NCAM2: variants seen among roughly 807,000 people sequenced by gnomAD.
NCAM2 encodes neural cell adhesion molecule 2, also known as N-CAM-2.
In NCAM2, 30 loss-of-function variants were observed where a neutral mutation model predicts 98.1. That is an observed-to-expected ratio of 0.31 (90% CI 0.23 to 0.41). The LOEUF is 0.41. Ranked by LOEUF, NCAM2 falls within the 10% of genes least tolerant of loss-of-function variation. NCAM2 has a pLI of 1.00. For missense variants in NCAM2, 867 were observed against 1,005.8 expected, an observed-to-expected ratio of 0.86 and a Z score of 1.87; for synonymous variants, 368 against 342.4, an observed-to-expected ratio of 1.07 and a Z score of -0.83.
intron 9 of NCAM2, among the ~76,000 whole-genome samples, chr21:21,391,910 A>G (rs544673376): frequency 6.6e-6 from 1 of 152,008 alleles, no homozygotes; most frequent in African/African-American, 2.4e-5. Flanking sequence ...ATTATCAATG[A>G]GTTCAGTCTA....
At chr21:21,262,872 G>T (rs2071972953) in intron 1 of NCAM2, among the ~76,000 whole-genome samples, 1 of 152,072 alleles carries the variant, frequency 6.6e-6, no homozygotes, top group Admixed American at 6.6e-5. Context: ...AGAGAGAGAA[G>T]AGAGCTTGTG....
chr21:21,476,352 A>G (rs986005626), intron 14 of NCAM2, among the ~76,000 whole-genome samples: 3 of 152,026 alleles, frequency 2.0e-5, no homozygotes, highest in Non-Finnish European at 4.4e-5. Flanking sequence ...TTAAGTGGTT[A>G]TGATCTCTAA....
chr21:21,006,922 A>G (rs1428216681), intron 1 of NCAM2, among the ~76,000 whole-genome samples: 2 of 152,176 alleles, frequency 1.3e-5, no homozygotes, highest in Non-Finnish European at 2.9e-5. Flanking sequence ...AGGTGCAAAT[A>G]CCAGCAGAGA....
At chr21:21,317,855 C>T (rs1460597878) in intron 5 of NCAM2, among the ~76,000 whole-genome samples, 1 of 152,012 alleles carries the variant, frequency 6.6e-6, no homozygotes, top group Non-Finnish European at 1.5e-5. Context: ...ACTTGAATTA[C>T]CAACTTGTAT....
intron 1 of NCAM2, among the ~76,000 whole-genome samples, chr21:21,113,324 A>G (rs2066490948): frequency 1.3e-5 from 2 of 152,218 alleles, no homozygotes; most frequent in Non-Finnish European, 2.9e-5. Context: ...ACTGTCACAC[A>G]ATCACAGGAG....
intron 9 of NCAM2, among the ~76,000 whole-genome samples, chr21:21,380,134 A>G (rs1040147326): frequency 5.3e-5 from 8 of 152,104 alleles, no homozygotes; most frequent in East Asian, 1.9e-4. Context: ...TCCTTTGGCA[A>G]CACCCTGGCA....
chr21:21,054,937 G>A (rs1033768164), intron 1 of NCAM2, among the ~76,000 whole-genome samples: 39 of 151,956 alleles, frequency 2.6e-4, no homozygotes, highest in Admixed American at 2.4e-3. Flanking sequence ...TAGAAACGAA[G>A]TTGGCTTAAG....
chr21:21,287,103 G>T (rs1346508474), intron 4 of NCAM2, among the ~76,000 whole-genome samples: 1 of 151,938 alleles, frequency 6.6e-6, no homozygotes, highest in South Asian at 2.1e-4. Context: ...GAAATCGAAT[G>T]TATAATTTGC....
intron 11 of NCAM2, among the ~76,000 whole-genome samples, chr21:21,422,587 A>G (rs1007611042): frequency 6.6e-6 from 1 of 152,132 alleles, no homozygotes; most frequent in Non-Finnish European, 1.5e-5. Context: ...TCTTTTACCT[A>G]TCTCCTCTGT....
chr21:21,228,424 A>G (rs1031752139), intron 1 of NCAM2, among the ~76,000 whole-genome samples: 1 of 151,442 alleles, frequency 6.6e-6, no homozygotes, highest in African/African-American at 2.4e-5. Flanking sequence ...CAGTGACTGT[A>G]ATAACAGATA....
chr21:21,295,724 A>G (rs1194444012), intron 5 of NCAM2, among the ~76,000 whole-genome samples: 1 of 151,802 alleles, frequency 6.6e-6, no homozygotes, highest in Non-Finnish European at 1.5e-5. Context: ...AGTGCAGACA[A>G]CATAACATGA....
chr21:21,066,392 T>A (rs185553166), intron 1 of NCAM2, among the ~76,000 whole-genome samples: 2 of 152,150 alleles, frequency 1.3e-5, no homozygotes, highest in Admixed American at 1.3e-4. Context: ...AATGTATGAC[T>A]CTAAATGCAG....
At chr21:21,517,729 A>T (rs1988790973) in intron 16 of NCAM2, among the ~76,000 whole-genome samples, 1 of 152,070 alleles carries the variant, frequency 6.6e-6, no homozygotes, top group Admixed American at 6.6e-5. Context: ...GTGGTGGTGC[A>T]TGCCTGTAAT....
chr21:21,151,683 T>C (rs1390060047), intron 1 of NCAM2, among the ~76,000 whole-genome samples: 3 of 152,054 alleles, frequency 2.0e-5, no homozygotes, highest in Non-Finnish European at 4.4e-5. Context: ...TTATATCTAA[T>C]CATGTTGTAA....
rs564995246 is a variant in NCAM2, at chr21:21,152,788, C to T, written c.56-127790C>T. 1.4e-3 allele frequency among the ~76,000 whole-genome samples: 210 copies of T among 152,072 alleles called. 2 individuals carry two copies. Among genetic ancestry groups the T allele is most frequent in the Non-Finnish European group, 2.5e-3 (170 of 67,866 alleles). Reference sequence around the variant, plus strand: ...ACTCTCCAGTAGTTGTTGTTTCCCTCTCTAAGATTAGCTTAGTATTCAACT... The same window carrying T: ...ACTCTCCAGTAGTTGTTGTTTCCCTTTCTAAGATTAGCTTAGTATTCAACT... On this transcript the variant is annotated intron_variant, in intron 1 of 17. Coordinates refer to ENST00000400546, the MANE Select transcript of NCAM2 (RefSeq NM_004540.5).
chr21:21,165,127 A>T (rs2146804915), intron 1 of NCAM2, among the ~76,000 whole-genome samples: 1 of 152,294 alleles, frequency 6.6e-6, no homozygotes, highest in Middle Eastern at 3.4e-3. Flanking sequence ...TTCAGGGAAA[A>T]GATACAGATC....
At chr21:21,363,279 T>C (rs2075694808) in intron 8 of NCAM2, among the ~76,000 whole-genome samples, 1 of 152,158 alleles carries the variant, frequency 6.6e-6, no homozygotes, top group African/African-American at 2.4e-5. Flanking sequence ...TATTGTGACA[T>C]AACTACCTCT....
At chr21:21,202,408 CTTTTT>C (rs11385750) in intron 1 of NCAM2, among the ~76,000 whole-genome samples, 130 of 80,218 alleles carry the variant, frequency 1.6e-3, no homozygotes, top group Admixed American at 4.5e-3. Flanking sequence ...AGCAAATATC[CTTTTT>C]TTTTTTTTTT....
At chr21:21,243,612 G>A (rs1014496970) in intron 1 of NCAM2, among the ~76,000 whole-genome samples, 1 of 152,124 alleles carries the variant, frequency 6.6e-6, no homozygotes, top group Admixed American at 6.5e-5. Flanking sequence ...TGTGCCCATG[G>A]TGGCATGCCC....
Sources: allele counts gnomAD v4.1 joint callset (sites outside exome capture counted in the v4.1 genomes callset), GRCh38; gene constraint gnomAD v4.1.1; transcripts MANE v1.5; gene names NCBI Gene and HGNC (gene_info 2026-07-23, HGNC 2026-07-21).